Variants in HSP90AB1 observed in about 807,000 individuals in gnomAD.
HSP90AB1 encodes the protein heat shock protein HSP 90-beta.
Under a neutral mutation model 67.8 loss-of-function variants are expected in HSP90AB1, and 17 were observed. That is an observed-to-expected ratio of 0.25 (90% CI 0.17 to 0.38). The LOEUF (loss-of-function observed/expected upper bound fraction) is 0.38. Among genes scored for constraint, HSP90AB1 ranks in the 10% least tolerant of loss-of-function variants. HSP90AB1 has a pLI of 1.00. For missense variants in HSP90AB1, 690 were observed against 899.9 expected, an observed-to-expected ratio of 0.77 and a Z score of 2.98; for synonymous variants, 390 against 312.9, an observed-to-expected ratio of 1.25 and a Z score of -2.60.
At chr6:44,246,923 G>C (rs1032015110), upstream of HSP90AB1, among the ~76,000 whole-genome samples, 40 of 152,200 alleles carry the variant, frequency 2.6e-4, no homozygotes, top group African/African-American at 9.7e-4. Context: ...ATGTGTGGGC[G>C]GATCCGTTGC....
intron 1 of HSP90AB1, among the ~76,000 whole-genome samples, chr6:44,248,417 T>A (rs917983997): frequency 6.6e-6 from 1 of 152,020 alleles, no homozygotes; most frequent in Non-Finnish European, 1.5e-5. Context: ...ATATTTAGCT[T>A]ATTTTCTTTT....
intron 10 of HSP90AB1, 58 bp from the exon 11 acceptor site, chr6:44,252,987 G>A: frequency 1.4e-6 from 2 of 1,410,148 alleles, no homozygotes; most frequent in East Asian, 2.3e-5. Flanking sequence ...GCTTGACAAT[G>A]CCTGTTTTCT....
rs1780964185 is a variant in HSP90AB1 at position 44,253,338 on chromosome 6, C to G, written c.2025C>G (p.Thr675=). 1 of 1,614,184 alleles carries G rather than the reference C, an allele frequency of 6.2e-7. No homozygotes were observed. Among genetic ancestry groups the G allele is most frequent in the East Asian group, 2.2e-5 (1 of 44,882 alleles). The part of the protein sequence containing the change: ...SSGFSLEDPQ[T]HSNRIYRMIK... ...GCTTTTCCCTTGAGGATCCCCAGACCCACTCCAACCGCATCTATCGCATGA... is the reference window on the plus strand; with the variant it reads ...GCTTTTCCCTTGAGGATCCCCAGACGCACTCCAACCGCATCTATCGCATGA... Residue 675 remains threonine (T), a synonymous_variant, in exon 11 of 12, where the codon ACC becomes ACG. Coordinates refer to ENST00000371646, the MANE Select transcript of HSP90AB1 (RefSeq NM_007355.4).
chr6:44,251,006 G>T, intron 6 of HSP90AB1, 42 bp from the exon 7 acceptor site: 6 of 1,572,304 alleles, frequency 3.8e-6, no homozygotes, highest in South Asian at 1.1e-5. Context: ...GGGCTAAAAG[G>T]TCCTCTTTTG....
Position 44,251,857 on chromosome 6 carries a change from A to G in HSP90AB1, c.1435A>G (p.Thr479Ala), listed in dbSNP as rs1582986852. ...AGAGTATGTTTCTCGCATGAAGGAG[A>G]CACAGAAGTCCATCTATTACATCAC... ...LSEYVSRMKE[T>A]QKSIYYITGE... Residue 479 changes from threonine to alanine, a missense_variant, in exon 9 of 12, where the codon ACA (threonine) becomes GCA (alanine). Around this residue, in one of 7 missense-constraint regions of HSP90AB1, gnomAD observed 206 missense variants for 221.4 expected, o/e 0.93. Coordinates refer to ENST00000371646, the MANE Select transcript of HSP90AB1 (RefSeq NM_007355.4). 1.2e-6 allele frequency: 2 copies of G among 1,613,014 alleles called. No individual in the cohort carries two copies. Among genetic ancestry groups the G allele is most frequent in the South Asian group, 2.2e-5 (2 of 91,032 alleles).
chr6:44,252,875 T>TA (rs1425947080), intron 10 of HSP90AB1, among the ~76,000 whole-genome samples, 170 bp from the exon 11 acceptor site: 3 of 152,088 alleles, frequency 2.0e-5, no homozygotes, highest in Non-Finnish European at 4.4e-5. Context: ...AGATGTGTGC[T>TA]ACCACACCCG....
At chr6:44,247,479 G>A (rs1377692638) in intron 1 of HSP90AB1, among the ~76,000 whole-genome samples, 1 of 152,116 alleles carries the variant, frequency 6.6e-6, no homozygotes, top group Non-Finnish European at 1.5e-5. Context: ...GCACGTGGTG[G>A]CCGCGCGGCC....
rs1470708451 is a variant in HSP90AB1, at chr6:44,253,043, A to G, written c.1732-2A>G. ...ATCTAAGGCTTTTGTGATCGTCCACAGGTGACAATCTCCAATAGACTTGTG... is the reference window on the plus strand; with the variant it reads ...ATCTAAGGCTTTTGTGATCGTCCACGGGTGACAATCTCCAATAGACTTGTG... On this transcript the variant is annotated splice_acceptor_variant, in intron 10 of 11. Coordinates refer to ENST00000371646, the MANE Select transcript of HSP90AB1 (RefSeq NM_007355.4). LOFTEE classifies it high-confidence loss of function. The G allele has an allele frequency of 6.2e-7, 1 of 1,611,808 alleles. No homozygotes were observed. The highest frequency in any genetic ancestry group is 8.5e-7 in the Non-Finnish European group (1 of 1,177,948).
chr6:44,251,245 T>C (rs747550838), intron 7 of HSP90AB1, 32 bp downstream of exon 7: 2 of 1,611,948 alleles, frequency 1.2e-6, no homozygotes, highest in African/African-American at 1.3e-5. Flanking sequence ...TTTAGTTGGG[T>C]GAAGTCTTGG....
chr6:44,251,792 A>G lies in HSP90AB1; in HGVS notation c.1370A>G (p.Tyr457Cys), dbSNP rs775201375. ...NRRRLSELLR[Y>C]HTSQSGDEMT... ...CGCCGCCTGTCTGAGCTGCTGCGCTATCATACCTCCCAGTCTGGAGATGAG... is the reference window on the plus strand; with the variant it reads ...CGCCGCCTGTCTGAGCTGCTGCGCTGTCATACCTCCCAGTCTGGAGATGAG... Residue 457 changes from tyrosine to cysteine, a missense_variant, in exon 9 of 12, where the codon TAT becomes TGT. By Grantham distance (194) the Tyr-to-Cys change is radical. Around this residue, in one of 7 missense-constraint regions of HSP90AB1, gnomAD observed 206 missense variants for 221.4 expected, o/e 0.93. Coordinates refer to ENST00000371646, the MANE Select transcript of HSP90AB1 (RefSeq NM_007355.4). 2.5e-6 allele frequency: 4 copies of G among 1,613,364 alleles called. No individual in the cohort carries two copies. The highest frequency in any genetic ancestry group is 2.2e-5 in the South Asian group (2 of 91,040).
Position 44,253,675 on chromosome 6 carries a change from C to A in HSP90AB1, c.*77C>A. 1 of 1,038,176 alleles carries A rather than the reference C, an allele frequency of 9.6e-7. No individual in the cohort carries two copies. The highest frequency in any genetic ancestry group is 1.5e-6 in the Non-Finnish European group (1 of 654,046). The allele number at this position is 1,038,176 out of a possible 1,614,324, so 64.3% of individuals were successfully genotyped here. A position where few individuals can be genotyped will look rare whatever the true frequency, so the allele number is the denominator to read the frequency against. On this transcript the variant is annotated 3_prime_UTR_variant, in exon 12 of 12. Transcript: ENST00000371646. ...GCTCCCACTGCAGCCTCGAGTGCCCCTGTCCCACCTGGCTCCCCCTGCTGG... is the reference window on the plus strand; with the variant it reads ...GCTCCCACTGCAGCCTCGAGTGCCCATGTCCCACCTGGCTCCCCCTGCTGG...
intron 10 of HSP90AB1, among the ~76,000 whole-genome samples, chr6:44,252,776 C>A (rs1411788536): frequency 6.6e-6 from 1 of 151,594 alleles, no homozygotes; most frequent in Non-Finnish European, 1.5e-5. Flanking sequence ...GATTAACAGG[C>A]GCAAGCCACC....
At position 44,251,859 on chromosome 6, in the gene HSP90AB1, A is replaced by G. The variant is rs149493942; in HGVS notation, c.1437A>G (p.Thr479=). 2 of 1,612,930 alleles carry G rather than the reference A, an allele frequency of 1.2e-6. No homozygotes were observed. Among genetic ancestry groups the G allele is most frequent in the Non-Finnish European group, 8.5e-7 (1 of 1,180,040 alleles). The change falls in exon 9 of 12, where the codon ACA becomes ACG. Residue 479 remains threonine, a synonymous_variant. Coordinates refer to ENST00000371646, the MANE Select transcript of HSP90AB1 (RefSeq NM_007355.4). ...AGTATGTTTCTCGCATGAAGGAGACACAGAAGTCCATCTATTACATCACTG... is the reference window on the plus strand; with the variant it reads ...AGTATGTTTCTCGCATGAAGGAGACGCAGAAGTCCATCTATTACATCACTG... ...LSEYVSRMKE[T]QKSIYYITGE...
chr6:44,253,638 G>A lies in HSP90AB1; in HGVS notation c.*40G>A. The stretch of plus-strand genomic sequence containing the variant: ...GTTGGAAAACTTGTGCCCTTGTATA[G>A]TGTCCCCATGGGCTCCCACTGCAGC... On this transcript the variant is annotated 3_prime_UTR_variant, in exon 12 of 12. Transcript: ENST00000371646. 2 of 1,461,012 alleles carry A rather than the reference G, an allele frequency of 1.4e-6. No individual in the cohort carries two copies. Among genetic ancestry groups the A allele is most frequent in the East Asian group, 4.5e-5 (2 of 44,142 alleles). 90.5% of individuals were successfully genotyped at this position (1,461,012 alleles called of 1,614,324 possible).
intron 6 of HSP90AB1, 21 bp from the exon 7 acceptor site, chr6:44,251,027 C>G: frequency 6.2e-7 from 1 of 1,611,222 alleles, no homozygotes. Context: ...AAATGTACCA[C>G]TTATTTTTGG....
In HSP90AB1 at chr6:44,251,991, C is replaced by T. The variant is rs1780700214; in HGVS notation, c.1463-8C>T. The T allele has an allele frequency of 1.9e-6, 3 of 1,614,148 alleles. No homozygotes were observed. The highest frequency in any genetic ancestry group is 2.5e-6 in the Non-Finnish European group (3 of 1,180,028). Reference sequence around the variant, plus strand: ...TTTAGTCACTGAGTTCATTTAATTACCCTACAGGTGAGAGCAAAGAGCAGG... The same window carrying T: ...TTTAGTCACTGAGTTCATTTAATTATCCTACAGGTGAGAGCAAAGAGCAGG... On this transcript the variant is annotated splice_region_variant and splice_polypyrimidine_tract_variant and intron_variant, in intron 9 of 11. Transcript: ENST00000371646.
chr6:44,246,717 G>C (rs986461514), upstream of HSP90AB1, among the ~76,000 whole-genome samples: 1 of 152,104 alleles, frequency 6.6e-6, no homozygotes, highest in Non-Finnish European at 1.5e-5. Context: ...CGCGTGGTTA[G>C]CTGCCTCCGC....
At position 44,250,422 on chromosome 6, in the gene HSP90AB1, C is replaced by T. The variant is rs1780495325; in HGVS notation, c.780C>T (p.Asp260=). The T allele has an allele frequency of 2.5e-6, 4 of 1,613,734 alleles. No homozygotes were observed. The highest frequency in any genetic ancestry group is 2.7e-5 in the African/African-American group (2 of 75,022). Residue 260 remains aspartate (D), a synonymous_variant, in exon 6 of 12, where the codon GAC becomes GAT. Coordinates refer to ENST00000371646, the MANE Select transcript of HSP90AB1 (RefSeq NM_007355.4). ...IEDVGSDEED[D]SGKDKKKKTK... is the part of the protein sequence containing the mutation. ...ATGTGGGTTCAGATGAGGAGGATGACAGCGGTAAGGATAAGAAGAAGAAAA... is the reference window on the plus strand; with the variant it reads ...ATGTGGGTTCAGATGAGGAGGATGATAGCGGTAAGGATAAGAAGAAGAAAA...
chr6:44,253,769 T>C lies in HSP90AB1; in HGVS notation c.*171T>C, dbSNP rs752606321. ...GTAAACTAAGGGTGTCAAGCCCCATTCCCTCTCTACTCTTGACAGCAGGAT... is the reference window on the plus strand; with the variant it reads ...GTAAACTAAGGGTGTCAAGCCCCATCCCCTCTCTACTCTTGACAGCAGGAT... On this transcript the variant is annotated 3_prime_UTR_variant, in exon 12 of 12. Coordinates refer to ENST00000371646, the MANE Select transcript of HSP90AB1 (RefSeq NM_007355.4). The C allele has an allele frequency of 9.0e-6, 7 of 778,144 alleles. No individual in the cohort carries two copies. In the East Asian group the frequency reaches 1.5e-4, roughly 16 times the overall value. The allele number at this position is 778,144 out of a possible 1,614,324, so 48.2% of individuals were successfully genotyped here.
Sources: allele counts gnomAD v4.1 joint callset (sites outside exome capture counted in the v4.1 genomes callset), GRCh38; gene constraint gnomAD v4.1.1; regional missense constraint gnomAD v4.1.1; transcripts MANE v1.5; gene names NCBI Gene and HGNC (gene_info 2026-07-23, HGNC 2026-07-21).